PTPN7: variants seen among roughly 807,000 people sequenced by gnomAD.
The protein encoded by PTPN7 is tyrosine-protein phosphatase non-receptor type 7.
Under a neutral mutation model 50.3 loss-of-function variants are expected in PTPN7, and 33 were observed. The observed-to-expected ratio is 0.66, with a 90% CI of 0.50 to 0.88. The LOEUF is 0.88. PTPN7 is among the 40% of genes least tolerant of loss of function. The probability of loss-of-function intolerance (pLI) is 0.00; values close to 1 mark genes in which losing one functional copy is unlikely to be tolerated. For missense variants in PTPN7, 412 were observed against 475.4 expected, an observed-to-expected ratio of 0.87 and a Z score of 1.24; for synonymous variants, 185 against 186.6, an observed-to-expected ratio of 0.99 and a Z score of 0.07.
Position 202,152,568 on chromosome 1 carries a change from G to T in PTPN7, c.849C>A (p.His283Gln). The T allele has an allele frequency of 6.2e-7, 1 of 1,613,502 alleles. No homozygotes were observed. Among genetic ancestry groups the T allele is most frequent in the Non-Finnish European group, 8.5e-7 (1 of 1,180,026 alleles). The change falls in exon 8 of 10, where the codon CAC (histidine) becomes CAA (glutamine). Residue 283 changes from histidine (H) to glutamine (Q), a missense_variant. Physicochemically the swap from His to Gln is conservative, Grantham distance 24. Coordinates refer to ENST00000691036, the MANE Select transcript of PTPN7 (RefSeq NM_002832.4). The stretch of plus-strand genomic sequence containing the variant: ...TGCAGTGGACTACGATAGGCCCGGG[G>T]TGGGCGGCTGTCTCCGGGCTCTCCT... ...EVEESPETAA[H>Q]PGPIVVHCSA...
At chr1:202,152,487 G>A (rs56915887) in intron 8 of PTPN7, 55 bp downstream of exon 8, 2 of 1,578,834 alleles carry the variant, frequency 1.3e-6, no homozygotes, top group Admixed American at 3.4e-5. Context: ...AGAGACCCAG[G>A]GGGCAGGGGA....
intron 8 of PTPN7, among the ~76,000 whole-genome samples, chr1:202,151,463 A>T (rs1228666916): frequency 6.6e-6 from 1 of 152,110 alleles, no homozygotes; most frequent in Non-Finnish European, 1.5e-5. Context: ...GGTTTAGGAG[A>T]CTTGGTTCTA....
chr1:202,150,295 A>T lies in PTPN7; in HGVS notation c.989+16T>A, dbSNP rs1409418756. The stretch of plus-strand genomic sequence containing the variant: ...TCCGTTAACGTTGTTGGCCTTGTTT[A>T]CACCCACAGACCCACCTGTCTAGCC... On this transcript the variant is annotated intron_variant, in intron 9 of 9. Transcript: ENST00000691036. The T allele has an allele frequency of 1.9e-6, 3 of 1,597,022 alleles. No homozygotes were observed. Among genetic ancestry groups the T allele is most frequent in the Non-Finnish European group, 2.6e-6 (3 of 1,168,776 alleles).
chr1:202,154,111 C>T, intron 6 of PTPN7, 75 bp downstream of exon 6: 2 of 1,592,150 alleles, frequency 1.3e-6, no homozygotes, highest in Non-Finnish European at 1.7e-6. Flanking sequence ...TTCTGAGCTG[C>T]CCTGTGTGTG....
chr1:202,154,637 A>G (rs1656444549), intron 5 of PTPN7, among the ~76,000 whole-genome samples: 1 of 152,208 alleles, frequency 6.6e-6, no homozygotes, highest in South Asian at 2.1e-4. Flanking sequence ...AGAGTGGATT[A>G]AATTCAGTAA....
At chr1:202,148,733 G>A in intron 9 of PTPN7, 34 bp from the exon 10 acceptor site, 1 of 1,592,228 alleles carries the variant, frequency 6.3e-7, no homozygotes, top group Non-Finnish European at 8.6e-7. Context: ...ATGAGTGAAG[G>A]AGGGTCAGGG....
chr1:202,158,494 G>A (rs1412751064), intron 2 of PTPN7, 193 bp from the exon 3 acceptor site: 1 of 565,512 alleles, frequency 1.8e-6, no homozygotes, highest in Non-Finnish European at 3.1e-6. Context: ...CAGAGTAACT[G>A]GGACCACAGG....
At chr1:202,154,115 G>C in intron 6 of PTPN7, 71 bp downstream of exon 6, 1 of 1,595,308 alleles carries the variant, frequency 6.3e-7, no homozygotes, top group South Asian at 1.1e-5. Context: ...GAGCTGCCCT[G>C]TGTGTGGGGT....
In PTPN7 at chr1:202,150,533, G is replaced by A; in HGVS notation, c.876-109C>T. The A allele has an allele frequency of 6.1e-6, 5 of 821,210 alleles. No homozygotes were observed. The South Asian group carries it at 7.8e-5, about 13-fold the overall frequency. 50.9% of individuals were successfully genotyped at this position (821,210 alleles called of 1,614,324 possible). ...TGGGACCTGCAGGTGCTATATTTTG[G>A]GGATAGGGCTCTGGAGATGGAGGCA... On this transcript the variant is annotated intron_variant, in intron 8 of 9. Coordinates refer to ENST00000691036, the MANE Select transcript of PTPN7 (RefSeq NM_002832.4).
At position 202,147,079 on chromosome 1, in the gene PTPN7, G is replaced by GCT. The variant is rs1655412698; in HGVS notation, c.*1525_*1526dup. 6.6e-6 allele frequency: 1 copy of GCT among 152,132 alleles called. No individual in the cohort carries two copies. Among genetic ancestry groups the GCT allele is most frequent in the Non-Finnish European group, 1.5e-5 (1 of 68,086 alleles). 9.4% of individuals were successfully genotyped at this position (152,132 alleles called of 1,614,324 possible). A position where few individuals can be genotyped will look rare whatever the true frequency, so the allele number is the denominator to read the frequency against. Reference sequence around the variant, plus strand: ...CTGTTCTGGAGCTTGTACCCTCTGAGCTCTGAGATGGGGTTGGGGGGACAG... The same window carrying GCT: ...CTGTTCTGGAGCTTGTACCCTCTGAGCTCTCTGAGATGGGGTTGGGGGGACAG... On this transcript the variant is annotated 3_prime_UTR_variant, in exon 10 of 10. Transcript: ENST00000691036.
chr1:202,154,365 G>A, intron 5 of PTPN7, 42 bp from the exon 6 acceptor site: 1 of 1,585,796 alleles, frequency 6.3e-7, no homozygotes, highest in Non-Finnish European at 8.6e-7. Context: ...GGAGCAGTGA[G>A]AGCAGAGCTC....
At chr1:202,156,196 G>T (rs1266006650) in intron 4 of PTPN7, among the ~76,000 whole-genome samples, 14 of 152,152 alleles carry the variant, frequency 9.2e-5, no homozygotes, top group African/African-American at 3.4e-4. Context: ...GGATGGACTA[G>T]AGAAGAAAGG....
chr1:202,155,699 G>C (rs576216663), intron 4 of PTPN7, 90 bp from the exon 5 acceptor site: 2 of 1,119,748 alleles, frequency 1.8e-6, no homozygotes, highest in Admixed American at 1.9e-5. Flanking sequence ...GAGTTCCTGT[G>C]CTCATCACAG....
chr1:202,160,934 A>G (rs1657317591), upstream of PTPN7: 1 of 1,433,540 alleles, frequency 7.0e-7, no homozygotes, highest in Admixed American at 2.9e-5. The surrounding 1 kb of genome is among the most constrained non-coding windows in gnomAD (Gnocchi z 4.8). Context: ...GCTGTCCCAC[A>G]AAGAACCCAA....
intron 9 of PTPN7, among the ~76,000 whole-genome samples, chr1:202,149,649 GAAAA>G (rs111664606): frequency 1.9e-4 from 28 of 149,624 alleles, no homozygotes; most frequent in Admixed American, 1.8e-3. Flanking sequence ...AAAGAAGAAA[GAAAA>G]AAAAAGAAAT....
chr1:202,158,530 T>G, intron 2 of PTPN7: 1 of 472,972 alleles, frequency 2.1e-6, no homozygotes, highest in Non-Finnish European at 3.7e-6. Flanking sequence ...CTGGCTAATT[T>G]AAGTTTTTTT....
intron 7 of PTPN7, among the ~76,000 whole-genome samples, chr1:202,153,051 T>G (rs552560775): frequency 1.2e-4 from 18 of 152,286 alleles, no homozygotes; most frequent in Admixed American, 1.1e-3. Flanking sequence ...GGAGAATGAG[T>G]TGATAGAGGA....
In PTPN7 at chr1:202,154,222, G is replaced by A; in HGVS notation, c.570C>T (p.Leu190=). ...WEMVWQEEVS[L]IVMLTQLREG... is the part of the protein sequence containing the mutation. The stretch of plus-strand genomic sequence containing the variant: ...CTCGGAGCTGAGTGAGCATGACAAT[G>A]AGGGACACTTCCTCTTGCCACACCA... The change falls in exon 6 of 10, where the codon CTC becomes CTT. Residue 190 remains leucine (L), a synonymous_variant. Transcript: ENST00000691036. 1 of 1,614,168 alleles carries A rather than the reference G, an allele frequency of 6.2e-7. No homozygotes were observed. Among genetic ancestry groups the A allele is most frequent in the Non-Finnish European group, 8.5e-7 (1 of 1,180,042 alleles).
chr1:202,151,168 T>C (rs1299469056), intron 8 of PTPN7, among the ~76,000 whole-genome samples: 1 of 152,178 alleles, frequency 6.6e-6, no homozygotes, highest in Non-Finnish European at 1.5e-5. Context: ...AAATGGCAAA[T>C]CCAAGTGTCT....
Sources: gnomAD v4.1 joint callset for allele counts (sites outside exome capture counted in the v4.1 genomes callset) on GRCh38, gnomAD v4.1.1 for gene constraint, Gnocchi (gnomAD v3.1) non-coding constraint, MANE v1.5 for transcripts, NCBI Gene and HGNC (gene_info 2026-07-23, HGNC 2026-07-21) for gene names.